The following ZCWPW2 variants were observed in gnomAD, a reference collection of about 807,000 sequenced individuals.
The protein encoded by ZCWPW2 is zinc finger CW-type and PWWP domain containing 2.
ZCWPW2 carries 45 observed loss-of-function variants against 46.6 expected under a neutral mutation model. The ratio of observed to expected loss-of-function variants is 0.96; its 90% CI spans 0.76 to 1.24. The LOEUF is 1.24. Among genes scored for constraint, ZCWPW2 ranks in the 50% most tolerant of loss-of-function variants. The pLI is 0.00. For missense variants in ZCWPW2, 429 were observed against 403.9 expected (o/e 1.06, Z -0.53); for synonymous variants, 152 against 137.1 (o/e 1.11, Z -0.76).
chr3:28,485,212 C>T (rs1699557637), intron 5 of ZCWPW2, among the ~76,000 whole-genome samples: 1 of 151,758 alleles, frequency 6.6e-6, no homozygotes, highest in Admixed American at 6.6e-5. Context: ...GGATTTCCAC[C>T]TATCTCTCTG....
At chr3:28,464,235 A>T (rs1698742676) in intron 4 of ZCWPW2, among the ~76,000 whole-genome samples, 1 of 152,078 alleles carries the variant, frequency 6.6e-6, no homozygotes, top group Admixed American at 6.6e-5. Context: ...CACACTGAAA[A>T]CTGAAGACAG....
At chr3:28,448,187 GA>G (rs1413754103) in intron 4 of ZCWPW2, 1 of 166,978 alleles carries the variant, frequency 6.0e-6, no homozygotes, top group Admixed American at 6.0e-5. Context: ...ATGATCTTCT[GA>G]GTAGGAAACC....
Position 28,524,695 on chromosome 3 carries a change from A to G in ZCWPW2, c.*7A>G. The stretch of plus-strand genomic sequence containing the variant: ...TTTGATGTCTGAGTTTTAGAACATT[A>G]TACATTTTTCAAATTAATTATAAAA... On this transcript the variant is annotated 3_prime_UTR_variant, in exon 10 of 10. Coordinates refer to ENST00000383768, the MANE Select transcript of ZCWPW2 (RefSeq NM_001040432.4). The G allele has an allele frequency of 1.4e-6, 2 of 1,474,442 alleles. No homozygotes were observed. Among genetic ancestry groups the G allele is most frequent in the Non-Finnish European group, 1.8e-6 (2 of 1,106,430 alleles). The allele number at this position is 1,474,442 out of a possible 1,614,324, so 91.3% of individuals were successfully genotyped here.
chr3:28,359,611 A>G (rs1439307203), intron 1 of ZCWPW2, among the ~76,000 whole-genome samples: 1 of 152,172 alleles, frequency 6.6e-6, no homozygotes, highest in African/African-American at 2.4e-5. Flanking sequence ...CAACAAAAAA[A>G]GTTTGAAAGT....
rs139003790 is a variant in ZCWPW2 at position 28,363,016 on chromosome 3, C to T, written c.-134+13813C>T. ...ATAAGTGGGAGATAAATGATGAGACCACATGGACAGAAAGGAGAACAACAG... is the reference window on the plus strand; with the variant it reads ...ATAAGTGGGAGATAAATGATGAGACTACATGGACAGAAAGGAGAACAACAG... On this transcript the variant is annotated intron_variant, in intron 1 of 9. Transcript: ENST00000383768. Among the ~76,000 whole-genome samples the T allele has an allele frequency of 2.8e-3, 378 of 134,490 alleles. 1 individual carries two copies. Among genetic ancestry groups the T allele is most frequent in the African/African-American group, 9.5e-3 (343 of 36,198 alleles). 88.2% of individuals were successfully genotyped at this position (134,490 alleles called of 152,430 possible).
At chr3:28,386,174 G>A (rs558916616) in intron 1 of ZCWPW2, among the ~76,000 whole-genome samples, 4 of 152,154 alleles carry the variant, frequency 2.6e-5, no homozygotes, top group South Asian at 4.1e-4. Context: ...GAATAAACGC[G>A]TTCATAAAGG....
At chr3:28,504,558 G>A (rs1196013766) in intron 6 of ZCWPW2, among the ~76,000 whole-genome samples, 1 of 152,130 alleles carries the variant, frequency 6.6e-6, no homozygotes, top group Admixed American at 6.5e-5. Context: ...ATAGCATAAT[G>A]TGGATACTAT....
At chr3:28,353,971 A>C (rs914628033) in intron 1 of ZCWPW2, among the ~76,000 whole-genome samples, 3 of 152,248 alleles carry the variant, frequency 2.0e-5, no homozygotes, top group South Asian at 2.1e-4. Context: ...TAATTGAGAT[A>C]TGAATTTGTT....
chr3:28,503,728 C>T (rs763530261), intron 6 of ZCWPW2, among the ~76,000 whole-genome samples: 13 of 151,784 alleles, frequency 8.6e-5, no homozygotes, highest in East Asian at 1.9e-4. Context: ...TTCAAGCCTA[C>T]GGTTTCAAAT....
intron 3 of ZCWPW2, among the ~76,000 whole-genome samples, chr3:28,431,458 C>G (rs1289272052): frequency 1.3e-5 from 2 of 152,034 alleles, no homozygotes; most frequent in Non-Finnish European, 2.9e-5. Flanking sequence ...TGTGCCCTAT[C>G]ATGGTCTTCC....
intron 6 of ZCWPW2, among the ~76,000 whole-genome samples, chr3:28,495,311 G>A (rs151225911): frequency 1.9e-3 from 289 of 151,974 alleles, no homozygotes; most frequent in African/African-American, 6.5e-3. Flanking sequence ...AAAGGATATA[G>A]GTCTTGTGTG....
At chr3:28,351,308 C>G (rs936624849) in intron 1 of ZCWPW2, among the ~76,000 whole-genome samples, 1 of 150,362 alleles carries the variant, frequency 6.7e-6, no homozygotes, top group East Asian at 1.9e-4. Context: ...TTTTCCACCC[C>G]CTACACCAAT....
At chr3:28,408,466 T>G (rs1696253630) in intron 2 of ZCWPW2, among the ~76,000 whole-genome samples, 1 of 152,218 alleles carries the variant, frequency 6.6e-6, no homozygotes, top group Non-Finnish European at 1.5e-5. Flanking sequence ...TTTAGAAATT[T>G]TCTAAAGTAA....
intron 1 of ZCWPW2, among the ~76,000 whole-genome samples, chr3:28,373,596 C>T (rs1705410945): frequency 6.6e-6 from 1 of 152,036 alleles, no homozygotes; most frequent in Admixed American, 6.6e-5. Flanking sequence ...CTGCCTCAGC[C>T]TCCCAAATAG....
chr3:28,406,610 G>C (rs1183851122), intron 2 of ZCWPW2, among the ~76,000 whole-genome samples: 1 of 149,702 alleles, frequency 6.7e-6, no homozygotes, highest in Non-Finnish European at 1.5e-5. Context: ...CTTATTTTTT[G>C]TGATACTCTT....
chr3:28,515,027 C>T (rs1700526244), intron 7 of ZCWPW2, among the ~76,000 whole-genome samples: 1 of 152,112 alleles, frequency 6.6e-6, no homozygotes, highest in Admixed American at 6.6e-5. Context: ...TTATAATCTC[C>T]ATTTTAAAAA....
chr3:28,487,784 A>T (rs1699654858), intron 5 of ZCWPW2, among the ~76,000 whole-genome samples: 1 of 152,136 alleles, frequency 6.6e-6, no homozygotes, highest in African/African-American at 2.4e-5. Context: ...CCTATGATAA[A>T]GTCTCAGTCC....
intron 1 of ZCWPW2, among the ~76,000 whole-genome samples, chr3:28,370,808 A>G (rs1705305610): frequency 6.6e-6 from 1 of 151,970 alleles, no homozygotes; most frequent in Non-Finnish European, 1.5e-5. Context: ...TCTCGGCTCA[A>G]CGCAACCTCC....
intron 1 of ZCWPW2, among the ~76,000 whole-genome samples, chr3:28,368,060 C>T (rs541247081): frequency 6.6e-6 from 1 of 152,228 alleles, no homozygotes; most frequent in African/African-American, 2.4e-5. Flanking sequence ...AGATGGGTTT[C>T]CTGAATGCAG....
Sources: allele counts gnomAD v4.1 joint callset (sites outside exome capture counted in the v4.1 genomes callset), GRCh38; gene constraint gnomAD v4.1.1; transcripts MANE v1.5; gene names NCBI Gene and HGNC (gene_info 2026-07-23, HGNC 2026-07-21).